ZDHHC14: variants seen among roughly 807,000 people sequenced by gnomAD.
The protein encoded by ZDHHC14 is zDHHC palmitoyltransferase 14, also known as palmitoyltransferase ZDHHC14.
Under a neutral mutation model 47.7 loss-of-function variants are expected in ZDHHC14, and 16 were observed. The observed-to-expected ratio is 0.34, with a 90% CI of 0.23 to 0.51. The LOEUF is 0.51. ZDHHC14 is among the 20% of genes least tolerant of loss of function. The pLI is 0.97. For synonymous variants in ZDHHC14, 293 were observed against 278.9 expected, an observed-to-expected ratio of 1.05 and a Z score of -0.50; for missense variants, 515 against 662.5, an observed-to-expected ratio of 0.78 and a Z score of 2.44.
chr6:157,643,413 C>A (rs1777350258), intron 5 of ZDHHC14, among the ~76,000 whole-genome samples: 1 of 151,910 alleles, frequency 6.6e-6, no homozygotes, highest in South Asian at 2.1e-4. Flanking sequence ...GTAATCCCAG[C>A]ACTTTGGGAG....
intron 3 of ZDHHC14, among the ~76,000 whole-genome samples, chr6:157,618,983 A>G (rs1051957531): frequency 1.3e-5 from 2 of 151,922 alleles, no homozygotes; most frequent in Admixed American, 1.3e-4. Flanking sequence ...TTATCTTCTC[A>G]ATGGCTTCAT....
At chr6:157,579,944 AG>A (rs1423769414) in intron 2 of ZDHHC14, among the ~76,000 whole-genome samples, 2 of 152,150 alleles carry the variant, frequency 1.3e-5, no homozygotes, top group African/African-American at 4.8e-5. Context: ...GTGGTAAGAG[AG>A]GGCATCCTTG....
chr6:157,630,959 C>T (rs978533956), intron 4 of ZDHHC14: 4 of 147,594 alleles, frequency 2.7e-5, no homozygotes, highest in African/African-American at 1.0e-4. Flanking sequence ...CACCCACACT[C>T]ACACACACCC....
chr6:157,633,102 A>G (rs1204805419), intron 5 of ZDHHC14, among the ~76,000 whole-genome samples: 1 of 152,144 alleles, frequency 6.6e-6, no homozygotes, highest in Non-Finnish European at 1.5e-5. Flanking sequence ...GCCAAGTATG[A>G]ATTCTTATCC....
chr6:157,465,085 C>T (rs1359461224), intron 1 of ZDHHC14, among the ~76,000 whole-genome samples: 5 of 139,850 alleles, frequency 3.6e-5, no homozygotes, highest in Admixed American at 7.2e-5. Context: ...TAAAAAGCAG[C>T]GTGTTTTTTT....
intron 2 of ZDHHC14, among the ~76,000 whole-genome samples, chr6:157,574,305 C>T (rs1363444657): frequency 6.6e-6 from 1 of 152,060 alleles, no homozygotes; most frequent in Non-Finnish European, 1.5e-5. Context: ...TGCCTGTAAT[C>T]CCAGCTACTC....
At chr6:157,483,898 A>C (rs181458953) in intron 1 of ZDHHC14, among the ~76,000 whole-genome samples, 110 of 152,278 alleles carry the variant, frequency 7.2e-4, no homozygotes, top group African/African-American at 2.6e-3. Context: ...GTCAACCTAC[A>C]TGCCCATCAG....
intron 1 of ZDHHC14, among the ~76,000 whole-genome samples, chr6:157,411,643 G>T (rs1349587455): frequency 6.6e-6 from 1 of 151,628 alleles, no homozygotes; most frequent in Non-Finnish European, 1.5e-5. Flanking sequence ...AACAAAGAGA[G>T]AAAGTAAAAG....
chr6:157,433,415 T>A (rs139647948), intron 1 of ZDHHC14, among the ~76,000 whole-genome samples: 22 of 152,154 alleles, frequency 1.4e-4, no homozygotes, highest in Non-Finnish European at 2.6e-4. Context: ...CTCATAGGTA[T>A]TCACTAAATA....
intron 3 of ZDHHC14, among the ~76,000 whole-genome samples, chr6:157,593,606 A>G (rs944907152): frequency 3.3e-5 from 5 of 152,186 alleles, no homozygotes; most frequent in African/African-American, 1.2e-4. Context: ...GGCTGGAGTT[A>G]GGATCTGTAT....
intron 1 of ZDHHC14, among the ~76,000 whole-genome samples, chr6:157,435,106 G>A (rs1562423674): frequency 6.6e-6 from 1 of 152,240 alleles, no homozygotes; most frequent in Non-Finnish European, 1.5e-5. Context: ...CGCCATAGCA[G>A]TTCCTCGGGG....
At chr6:157,627,256 G>A (rs1785471401) in intron 3 of ZDHHC14, among the ~76,000 whole-genome samples, 1 of 152,104 alleles carries the variant, frequency 6.6e-6, no homozygotes, top group South Asian at 2.1e-4. Flanking sequence ...TATTTATATG[G>A]TCACACCTCA....
chr6:157,452,834 C>G (rs926812890), intron 1 of ZDHHC14, among the ~76,000 whole-genome samples: 2 of 151,220 alleles, frequency 1.3e-5, no homozygotes, highest in Admixed American at 6.6e-5. Flanking sequence ...TCCCGAGTAG[C>G]TGGGACTACA....
At chr6:157,645,966 C>A in intron 6 of ZDHHC14, 127 bp downstream of exon 6, 1 of 735,826 alleles carries the variant, frequency 1.4e-6, no homozygotes, top group Non-Finnish European at 2.2e-6. Flanking sequence ...CCCTTGGGAA[C>A]AGAGACGGTG....
chr6:157,540,383 A>C (rs915892031), intron 1 of ZDHHC14, among the ~76,000 whole-genome samples: 2 of 152,202 alleles, frequency 1.3e-5, no homozygotes, highest in Admixed American at 6.5e-5. Flanking sequence ...CAGCCTTTGC[A>C]ACTTTGAGCA....
chr6:157,592,860 C>A, intron 2 of ZDHHC14, 128 bp from the exon 3 acceptor site: 1 of 1,486,488 alleles, frequency 6.7e-7, no homozygotes, highest in Non-Finnish European at 8.9e-7. Context: ...CTGGGTAAAC[C>A]GTGGGCACCG....
At position 157,654,067 on chromosome 6, in the gene ZDHHC14, C is replaced by T. The variant is rs565562688; in HGVS notation, c.1068+440C>T. On this transcript the variant is annotated intron_variant, in intron 8 of 8. Coordinates refer to ENST00000359775, the MANE Select transcript of ZDHHC14 (RefSeq NM_024630.3). ...CTGGTGCTGCCGGTTCCCCTGCTTC[C>T]GCCCAAAGTCTGGGATCAGCCCTGT... Among the ~76,000 whole-genome samples the T allele has an allele frequency of 2.6e-5, 4 of 152,290 alleles. No homozygotes were observed. In the East Asian group the frequency reaches 5.8e-4, roughly 22 times the overall value.
chr6:157,660,012 C>T (rs930363707), intron 8 of ZDHHC14, among the ~76,000 whole-genome samples: 3 of 152,018 alleles, frequency 2.0e-5, no homozygotes, highest in Admixed American at 6.5e-5. Context: ...ATGGACAGAG[C>T]GTTGCTAATA....
At chr6:157,413,535 A>AT (rs113900941) in intron 1 of ZDHHC14, among the ~76,000 whole-genome samples, 64 of 147,726 alleles carry the variant, frequency 4.3e-4, no homozygotes, top group Middle Eastern at 7.0e-3. Flanking sequence ...TTTCAGAAAG[A>AT]TTTTTTTTTT....
Sources: allele counts gnomAD v4.1 joint callset (sites outside exome capture counted in the v4.1 genomes callset), GRCh38; gene constraint gnomAD v4.1.1; transcripts MANE v1.5; gene names NCBI Gene and HGNC (gene_info 2026-07-23, HGNC 2026-07-21).